Variants in INPP5A observed in about 807,000 individuals in gnomAD.
INPP5A encodes the protein 43 kDa inositol polyphosphate 5-phophatase.
Under a neutral mutation model 65.2 loss-of-function variants are expected in INPP5A, and 14 were observed. The observed-to-expected ratio is 0.21, with a 90% CI of 0.14 to 0.34. INPP5A has a LOEUF of 0.34. INPP5A is among the 10% of genes least tolerant of loss of function. INPP5A has a pLI of 1.00. For synonymous variants in INPP5A, 207 were observed against 208.3 expected (o/e 0.99, Z 0.05); for missense variants, 431 against 545.6 (o/e 0.79, Z 2.09).
At chr10:132,712,575 CATGT>C (rs1315084587) in intron 8 of INPP5A, among the ~76,000 whole-genome samples, 2 of 146,340 alleles carry the variant, frequency 1.4e-5, no homozygotes, top group Non-Finnish European at 3.0e-5. Context: ...TGTGTGGCTG[CATGT>C]GAGTGCGGGT....
chr10:132,719,830 G>T (rs1002102798), intron 8 of INPP5A, among the ~76,000 whole-genome samples: 3 of 149,320 alleles, frequency 2.0e-5, no homozygotes, highest in Non-Finnish European at 4.4e-5. Flanking sequence ...CACCTTAGAC[G>T]ACTGTCTTCA....
chr10:132,759,434 C>T (rs1846690565), intron 11 of INPP5A, among the ~76,000 whole-genome samples: 1 of 152,226 alleles, frequency 6.6e-6, no homozygotes, highest in Non-Finnish European at 1.5e-5. Flanking sequence ...GGTGCACAGG[C>T]CTGGAATGGT....
chr10:132,689,592 G>C (rs186405370), intron 4 of INPP5A, among the ~76,000 whole-genome samples: 2 of 152,190 alleles, frequency 1.3e-5, no homozygotes, highest in Non-Finnish European at 2.9e-5. Flanking sequence ...ACCAGGCCCC[G>C]TGTTGGGGTT....
intron 12 of INPP5A, 121 bp downstream of exon 12, chr10:132,765,967 TTC>T (rs1315510939): frequency 2.6e-5 from 18 of 699,490 alleles, no homozygotes; most frequent in Non-Finnish European, 4.8e-5. Context: ...AGTGTGTGCA[TTC>T]TGTGTGCATC....
chr10:132,635,165 C>T (rs1032017536), intron 2 of INPP5A, among the ~76,000 whole-genome samples: 1 of 152,092 alleles, frequency 6.6e-6, no homozygotes, highest in Non-Finnish European at 1.5e-5. Context: ...TTTTAAATAG[C>T]CACATTTGAC....
chr10:132,737,917 G>A (rs371756069), intron 9 of INPP5A, among the ~76,000 whole-genome samples: 61 of 152,190 alleles, frequency 4.0e-4, no homozygotes, highest in African/African-American at 1.4e-3. Context: ...TCGTATTTAG[G>A]GGATTTTTTC....
chr10:132,599,936 C>G (rs2071755056), intron 1 of INPP5A, among the ~76,000 whole-genome samples: 1 of 152,182 alleles, frequency 6.6e-6, no homozygotes, highest in African/African-American at 2.4e-5. Flanking sequence ...TCACCAAGAC[C>G]CTAGGCTGCA....
At chr10:132,592,784 T>C (rs1046631060) in intron 1 of INPP5A, among the ~76,000 whole-genome samples, 3 of 152,220 alleles carry the variant, frequency 2.0e-5, no homozygotes, top group Non-Finnish European at 4.4e-5. Flanking sequence ...ACGCAGGACT[T>C]TCTGTGCTGT....
At position 132,650,232 on chromosome 10, in the gene INPP5A, G is replaced by A. The variant is rs1027645166; in HGVS notation, c.219-186G>A. 1.3e-5 allele frequency among the ~76,000 whole-genome samples: 2 copies of A among 152,198 alleles called. No homozygotes were observed. Among genetic ancestry groups the A allele is most frequent in the Non-Finnish European group, 2.9e-5 (2 of 68,038 alleles). ...TGGGAGCTTGAGCTCTGCACATGCT[G>A]AGAGCTGAACGTGAGGCCAGCTCCT... On this transcript the variant is annotated intron_variant, in intron 3 of 15. Coordinates refer to ENST00000368594, the MANE Select transcript of INPP5A (RefSeq NM_005539.5). The surrounding 1 kb of genome is among the most constrained non-coding windows in gnomAD (Gnocchi z 5.5).
intron 7 of INPP5A, among the ~76,000 whole-genome samples, chr10:132,709,357 G>GT (rs1845594547): frequency 7.5e-6 from 1 of 132,560 alleles, no homozygotes; most frequent in African/African-American, 2.9e-5. Flanking sequence ...GAGAGAGAAG[G>GT]GTAGGAGAGG....
At position 132,698,922 on chromosome 10, in the gene INPP5A, GC is replaced by G. The variant is rs1248281404; in HGVS notation, c.474+1006del. 4.6e-5 allele frequency among the ~76,000 whole-genome samples: 7 copies of G among 152,326 alleles called. No individual in the cohort carries two copies. The highest frequency in any genetic ancestry group is 1.7e-4 in the African/African-American group (7 of 41,572). ...GCACCTTGAGTGAGGGACTGTGGCC[GC>G]CCGTGAAGGATGGGGTGCTCCTGTC... On this transcript the variant is annotated intron_variant, in intron 6 of 15. Coordinates refer to ENST00000368594, the MANE Select transcript of INPP5A (RefSeq NM_005539.5). The surrounding 1 kb of genome is among the most constrained non-coding windows in gnomAD (Gnocchi z 5.5).
rs377511191 is a variant in INPP5A at position 132,756,220 on chromosome 10, TTGTG to T, written c.903+6378_903+6381del. 3.1e-3 allele frequency among the ~76,000 whole-genome samples: 468 copies of T among 151,976 alleles called. 6 individuals carry two copies. Among genetic ancestry groups the T allele is most frequent in the African/African-American group, 8.8e-3 (365 of 41,440 alleles). On this transcript the variant is annotated intron_variant, in intron 11 of 15. Coordinates refer to ENST00000368594, the MANE Select transcript of INPP5A (RefSeq NM_005539.5). Reference sequence around the variant, plus strand: ...GTGTGTGCGTGTACATGTGTGCACTTTGTGTGGTGTATGTATGCGTGTACATGTG... The same window carrying T: ...GTGTGTGCGTGTACATGTGTGCACTTTGGTGTATGTATGCGTGTACATGTG...
chr10:132,671,534 A>G (rs1029701219), intron 4 of INPP5A, among the ~76,000 whole-genome samples: 5 of 151,854 alleles, frequency 3.3e-5, no homozygotes, highest in African/African-American at 1.2e-4. Flanking sequence ...GAAGGACACA[A>G]CCTTCTTGGC....
intron 1 of INPP5A, among the ~76,000 whole-genome samples, chr10:132,539,575 C>T (rs2070882953): frequency 6.9e-6 from 1 of 144,126 alleles, no homozygotes; most frequent in Non-Finnish European, 1.6e-5. Flanking sequence ...CCTAGTTTGG[C>T]GTTTCAGCCA....
Position 132,547,501 on chromosome 10 carries a change from C to T in INPP5A, c.75+9330C>T, listed in dbSNP as rs542953395. Among the ~76,000 whole-genome samples the T allele has an allele frequency of 7.1e-4, 108 of 152,206 alleles. No individual in the cohort carries two copies. The highest frequency in any genetic ancestry group is 2.6e-3 in the African/African-American group (106 of 41,542). On this transcript the variant is annotated intron_variant, in intron 1 of 15. Coordinates refer to ENST00000368594, the MANE Select transcript of INPP5A (RefSeq NM_005539.5). This position sits in a 1 kb window ranked among gnomAD's most constrained non-coding sequence, Gnocchi z 5.5. ...GCCCAGCTGCCGTGGTGAATATAAC[C>T]GGGAGGGAGTGCCCGCCTCTGCCCA...
chr10:132,729,174 A>C (rs948982069), intron 9 of INPP5A, among the ~76,000 whole-genome samples: 1 of 152,192 alleles, frequency 6.6e-6, no homozygotes, highest in African/African-American at 2.4e-5. Context: ...GAAAAGGAAG[A>C]AAGCACCTCA....
At chr10:132,757,999 C>T (rs1480010306) in intron 11 of INPP5A, among the ~76,000 whole-genome samples, 2 of 143,892 alleles carry the variant, frequency 1.4e-5, no homozygotes. Flanking sequence ...TGTTGTGGGT[C>T]TCTGGCTGAC....
At chr10:132,558,822 C>T (rs1018409549) in intron 1 of INPP5A, among the ~76,000 whole-genome samples, 3 of 152,226 alleles carry the variant, frequency 2.0e-5, no homozygotes, top group Non-Finnish European at 2.9e-5. Context: ...AGCCGGCAGT[C>T]GCCTTGCAGT....
At chr10:132,602,149 T>G (rs1382301393) in intron 1 of INPP5A, among the ~76,000 whole-genome samples, 1 of 152,268 alleles carries the variant, frequency 6.6e-6, no homozygotes, top group African/African-American at 2.4e-5. Context: ...TAGCTTTCAG[T>G]GTTCAAGTCT....
Sources: allele counts gnomAD v4.1 joint callset (sites outside exome capture counted in the v4.1 genomes callset), GRCh38; gene constraint gnomAD v4.1.1; non-coding constraint Gnocchi (gnomAD v3.1); transcripts MANE v1.5; gene names NCBI Gene and HGNC (gene_info 2026-07-23, HGNC 2026-07-21).